SCAP: variants seen among roughly 807,000 people sequenced by gnomAD.
SCAP encodes the protein sterol regulatory element-binding protein cleavage-activating protein.
Under a neutral mutation model 123.6 loss-of-function variants are expected in SCAP, and 65 were observed. The ratio of observed to expected loss-of-function variants is 0.53; its 90% CI spans 0.43 to 0.65. SCAP has a LOEUF of 0.65. Among genes scored for constraint, SCAP ranks in the 30% least tolerant of loss-of-function variants. SCAP has a pLI of 0.00. For synonymous variants in SCAP, 740 were observed against 726.3 expected (o/e 1.02, Z -0.30); for missense variants, 1,398 against 1,712.5 (o/e 0.82, Z 3.24).
At chr3:47,466,919 T>TA (rs1358581345) in intron 1 of SCAP, among the ~76,000 whole-genome samples, 5 of 150,098 alleles carry the variant, frequency 3.3e-5, no homozygotes, top group Non-Finnish European at 5.9e-5. Flanking sequence ...CCCCATATCT[T>TA]AAAAAAAAAT....
chr3:47,435,087 G>T lies in SCAP; in HGVS notation c.173C>A (p.Thr58Asn). The T allele has an allele frequency of 1.2e-6, 2 of 1,614,106 alleles. No individual in the cohort carries two copies. The highest frequency in any genetic ancestry group is 1.7e-6 in the Non-Finnish European group (2 of 1,179,998). Residue 58 changes from threonine to asparagine, a missense_variant, in exon 3 of 23, where the codon ACC becomes AAC. Thr to Asn is a moderately conservative substitution (Grantham distance 65, BLOSUM62 0). Around this residue, in one of 7 missense-constraint regions of SCAP, gnomAD observed 319 missense variants for 432.4 expected, o/e 0.74. Coordinates refer to ENST00000265565, the MANE Select transcript of SCAP (RefSeq NM_012235.4). ...GGGCGAGTAATCCTTCACAGGGGTG[G>T]TGAATTCCACAGGTCCTGTTCCTGG... is the stretch of plus-strand genomic sequence containing the variant. ...PLPGTGPVEF[T>N]TPVKDYSPPP... is the part of the protein sequence containing the mutation.
intron 3 of SCAP, among the ~76,000 whole-genome samples, chr3:47,434,015 T>G (rs543369876): frequency 6.6e-6 from 1 of 152,214 alleles, no homozygotes; most frequent in Non-Finnish European, 1.5e-5. Context: ...CATCAGACCA[T>G]GCATCCTTTG....
At chr3:47,435,465 AACATACACACACAC>A (rs1323469387) in intron 2 of SCAP, among the ~76,000 whole-genome samples, 266 of 121,518 alleles carry the variant, frequency 2.2e-3, no homozygotes, top group African/African-American at 5.8e-3. Context: ...ATATAATATA[AACATACACACACAC>A]ACACACACAC....
At chr3:47,474,619 A>T (rs1708198104) in intron 1 of SCAP, among the ~76,000 whole-genome samples, 1 of 151,944 alleles carries the variant, frequency 6.6e-6, no homozygotes, top group African/African-American at 2.4e-5. Flanking sequence ...ACACAGCAAG[A>T]CCCCCATCTC....
rs1466281681 is a variant in SCAP, at chr3:47,450,245, G to C, written c.-98-7154C>G. On this transcript the variant is annotated intron_variant, in intron 1 of 22. Coordinates refer to ENST00000265565, the MANE Select transcript of SCAP (RefSeq NM_012235.4). ...ATTCCTGACCTCAATGAATCTGCCT[G>C]CCTCAGCCTCCCAAAGTGCTGGGAT... Among the ~76,000 whole-genome samples, 5 of 124,762 alleles carry C rather than the reference G, an allele frequency of 4.0e-5. 2 individuals carry two copies. Among genetic ancestry groups the C allele is most frequent in the Non-Finnish European group, 5.3e-5 (3 of 56,322 alleles). 81.8% of individuals were successfully genotyped at this position (124,762 alleles called of 152,430 possible).
intron 1 of SCAP, among the ~76,000 whole-genome samples, chr3:47,450,171 T>C (rs1707189147): frequency 8.1e-6 from 1 of 123,868 alleles, no homozygotes; most frequent in Non-Finnish European, 1.8e-5. Context: ...CTAATTTTTA[T>C]ATTTTTGGTA....
At chr3:47,466,129 TAAAAACCA>T (rs1290826668) in intron 1 of SCAP, among the ~76,000 whole-genome samples, 1 of 62,316 alleles carries the variant, frequency 1.6e-5, no homozygotes, top group Admixed American at 1.8e-4. Flanking sequence ...GAGACTGTCT[TAAAAACCA>T]AAAAAAAAAA....
rs377388205 is a variant in SCAP, at chr3:47,418,369, C to T, written c.2283G>A (p.Ala761=). 297 of 1,572,220 alleles carry T rather than the reference C, an allele frequency of 1.9e-4. 1 individual carries two copies. In the South Asian group the frequency reaches 1.9e-3, roughly 10 times the overall value. ...GELPCDDYGY[A]PPETEIVPLV... ...GCGGCACGATCTCCGTCTCGGGTGGCGCATAGCCGTAGTCGTCGCAGGGCA... is the reference window on the plus strand; with the variant it reads ...GCGGCACGATCTCCGTCTCGGGTGGTGCATAGCCGTAGTCGTCGCAGGGCA... The change falls in exon 15 of 23, where the codon GCG becomes GCA. Residue 761 remains alanine, a synonymous_variant. Coordinates refer to ENST00000265565, the MANE Select transcript of SCAP (RefSeq NM_012235.4).
rs746439035 is a variant in SCAP, at chr3:47,419,296, A to C, written c.1940+32T>G. On this transcript the variant is annotated intron_variant, in intron 13 of 22. Transcript: ENST00000265565. This position sits in a 1 kb window ranked among gnomAD's most constrained non-coding sequence, Gnocchi z 5.0. ...AGGGGATGGTGAGTTGACACCATCG[A>C]GTGAGGTGGCACCTGGCACGGCCCA... The C allele has an allele frequency of 6.3e-7, 1 of 1,580,414 alleles. No homozygotes were observed. The highest frequency in any genetic ancestry group is 1.7e-5 in the Admixed American group (1 of 57,626).
intron 1 of SCAP, among the ~76,000 whole-genome samples, chr3:47,472,589 C>A (rs1708074097): frequency 6.6e-6 from 1 of 152,108 alleles, no homozygotes; most frequent in Non-Finnish European, 1.5e-5. Flanking sequence ...GCAAAGCTTC[C>A]TTATGATTTA....
chr3:47,460,022 C>T (rs190115435), intron 1 of SCAP, among the ~76,000 whole-genome samples: 36 of 152,256 alleles, frequency 2.4e-4, no homozygotes, highest in South Asian at 6.2e-4. Context: ...AAGAATTTAG[C>T]GATATCTTCC....
At position 47,418,332 on chromosome 3, in the gene SCAP, C is replaced by T. The variant is rs766611578; in HGVS notation, c.2320G>A (p.Gly774Ser). 18 of 1,563,556 alleles carry T rather than the reference C, an allele frequency of 1.2e-5. No individual in the cohort carries two copies. Among genetic ancestry groups the T allele is most frequent in the African/African-American group, 4.1e-5 (3 of 73,540 alleles). The change falls in exon 15 of 23, where the codon GGC becomes AGC. Residue 774 changes from glycine (G) to serine (S), a missense_variant. Around this residue, in one of 7 missense-constraint regions of SCAP, gnomAD observed 828 missense variants for 882.5 expected, o/e 0.94. Coordinates refer to ENST00000265565, the MANE Select transcript of SCAP (RefSeq NM_012235.4). ...ETEIVPLVLR[G>S]HLMDIECLAS... ...GTGCCCCTGCTCACCATGAGGTGGC[C>T]GCGCAGCACAAGCGGCACGATCTCC...
rs1380286753 is a variant in SCAP, at chr3:47,451,380, C to G, written c.-98-8289G>C. On this transcript the variant is annotated intron_variant, in intron 1 of 22. Transcript: ENST00000265565. ...ACATGTTTATATTCAAATATTCAAA[C>G]AGTCCTGGAATGCCTTTTTTTTTTT... Among the ~76,000 whole-genome samples, 10 of 100,934 alleles carry G rather than the reference C, an allele frequency of 9.9e-5. 2 individuals are homozygous for G. Among genetic ancestry groups the G allele is most frequent in the Non-Finnish European group, 8.1e-5 (4 of 49,094 alleles). The allele number at this position is 100,934 out of a possible 152,430, so 66.2% of individuals were successfully genotyped here.
chr3:47,472,746 T>C (rs1421352561), intron 1 of SCAP, among the ~76,000 whole-genome samples: 5 of 151,992 alleles, frequency 3.3e-5, no homozygotes, highest in African/African-American at 1.2e-4. Context: ...CCACCACCCC[T>C]ACCACCTTCT....
intron 3 of SCAP, among the ~76,000 whole-genome samples, chr3:47,430,162 G>A (rs1054007325): frequency 6.6e-6 from 1 of 152,152 alleles, no homozygotes; most frequent in Admixed American, 6.5e-5. Flanking sequence ...CACTTCATCT[G>A]ACCCTCACAA....
intron 2 of SCAP, among the ~76,000 whole-genome samples, chr3:47,441,126 G>A (rs1017711217): frequency 2.0e-5 from 3 of 151,850 alleles, no homozygotes; most frequent in East Asian, 1.9e-4. Flanking sequence ...GGTCTCGATC[G>A]CCTGACCTCG....
intron 2 of SCAP, 58 bp downstream of exon 2, chr3:47,442,814 G>T: frequency 6.5e-7 from 1 of 1,533,066 alleles, no homozygotes; most frequent in Non-Finnish European, 9.0e-7. Flanking sequence ...GTTAGGGTTA[G>T]AAAACCTACT....
rs373470095 is a variant in SCAP at position 47,419,377 on chromosome 3, G to A, written c.1891C>T (p.Arg631Cys). The change falls in exon 13 of 23, where the codon CGC becomes TGC. Residue 631 changes from arginine to cysteine, a missense_variant. Arg to Cys is a radical substitution (Grantham distance 180, BLOSUM62 -3). Coordinates refer to ENST00000265565, the MANE Select transcript of SCAP (RefSeq NM_012235.4). The surrounding 1 kb of genome is among the most constrained non-coding windows in gnomAD (Gnocchi z 5.0). ...TAGCTGAAGAGCGTCGGCCAGTGGCGGAAGGACAATTTCCTCCAAAGTTCC... is the reference window on the plus strand; with the variant it reads ...TAGCTGAAGAGCGTCGGCCAGTGGCAGAAGGACAATTTCCTCCAAAGTTCC... ...DEELWRKLSF[R>C]HWPTLFSYYN... The A allele has an allele frequency of 4.0e-5, 65 of 1,611,516 alleles. No individual in the cohort carries two copies. The highest frequency in any genetic ancestry group is 5.3e-5 in the Non-Finnish European group (62 of 1,179,312).
chr3:47,470,241 C>T (rs1309920758), intron 1 of SCAP, among the ~76,000 whole-genome samples: 1 of 152,090 alleles, frequency 6.6e-6, no homozygotes, highest in African/African-American at 2.4e-5. Context: ...TACATTTAGG[C>T]CAATGGTTAT....
Sources: allele counts gnomAD v4.1 joint callset (sites outside exome capture counted in the v4.1 genomes callset), GRCh38; gene constraint gnomAD v4.1.1; regional missense constraint gnomAD v4.1.1; non-coding constraint Gnocchi (gnomAD v3.1); transcripts MANE v1.5; gene names NCBI Gene and HGNC (gene_info 2026-07-23, HGNC 2026-07-21).